Variants in THSD7B observed in about 807,000 individuals in gnomAD.
The protein encoded by THSD7B is thrombospondin type-1 domain-containing protein 7B.
Under a neutral mutation model 213.6 loss-of-function variants are expected in THSD7B, and 138 were observed. That is an observed-to-expected ratio of 0.65 (90% CI 0.56 to 0.74). The LOEUF (loss-of-function observed/expected upper bound fraction) is 0.74, where lower values mean the gene tolerates loss of function less well. Ranked by LOEUF, THSD7B falls within the 30% of genes least tolerant of loss-of-function variation. The probability of loss-of-function intolerance (pLI) is 0.00; values close to 1 mark genes in which losing one functional copy is unlikely to be tolerated. For missense variants in THSD7B, 1,931 were observed against 1,991.5 expected, an observed-to-expected ratio of 0.97 and a Z score of 0.58; for synonymous variants, 742 against 687.0, an observed-to-expected ratio of 1.08 and a Z score of -1.25.
intron 15 of THSD7B, among the ~76,000 whole-genome samples, chr2:137,478,239 C>G (rs1688231653): frequency 6.6e-6 from 1 of 151,992 alleles, no homozygotes; most frequent in Admixed American, 6.6e-5. Context: ...CTGTGGTGTC[C>G]CATATATCAT....
chr2:137,075,609 C>T (rs976222423), intron 3 of THSD7B, among the ~76,000 whole-genome samples: 33 of 152,190 alleles, frequency 2.2e-4, no homozygotes, highest in Non-Finnish European at 7.3e-5. Context: ...CTCCGTCCAG[C>T]TTTGTTCTGT....
intron 17 of THSD7B, among the ~76,000 whole-genome samples, chr2:137,590,314 G>T (rs752261437): frequency 6.6e-6 from 1 of 152,200 alleles, no homozygotes; most frequent in African/African-American, 2.4e-5. Context: ...CTGATTGATG[G>T]TCATTTTATG....
At chr2:136,859,710 G>C (rs16837155) in intron 1 of THSD7B, among the ~76,000 whole-genome samples, 1 of 152,128 alleles carries the variant, frequency 6.6e-6, no homozygotes, top group South Asian at 2.1e-4. Flanking sequence ...GCCACAGTGC[G>C]TTTTTATGTT....
intron 15 of THSD7B, among the ~76,000 whole-genome samples, chr2:137,506,563 A>G (rs1679839004): frequency 6.6e-6 from 1 of 152,268 alleles, no homozygotes; most frequent in African/African-American, 2.4e-5. Context: ...TGGAAAGCAC[A>G]GGGAGATGTG....
At chr2:137,573,024 G>C (rs1681388214) in intron 17 of THSD7B, among the ~76,000 whole-genome samples, 1 of 150,142 alleles carries the variant, frequency 6.7e-6, no homozygotes, top group African/African-American at 2.5e-5. Flanking sequence ...GCATTCTTTT[G>C]CCATGTTTCT....
intron 1 of THSD7B, among the ~76,000 whole-genome samples, chr2:136,780,770 G>A (rs1243027948): frequency 6.6e-6 from 1 of 152,164 alleles, no homozygotes; most frequent in African/African-American, 2.4e-5. Flanking sequence ...GATCTCTTTA[G>A]ATGTGCATTT....
chr2:136,771,477 C>T (rs1316218998), intron 1 of THSD7B, among the ~76,000 whole-genome samples: 2 of 152,112 alleles, frequency 1.3e-5, no homozygotes, highest in African/African-American at 4.8e-5. Flanking sequence ...TTCCTATTAT[C>T]CACTTTCTTC....
At chr2:137,403,416 A>G (rs892097277) in intron 12 of THSD7B, among the ~76,000 whole-genome samples, 1 of 152,240 alleles carries the variant, frequency 6.6e-6, no homozygotes, top group Non-Finnish European at 1.5e-5. Flanking sequence ...CTTACCCTAC[A>G]TAAGAGAATT....
intron 5 of THSD7B, among the ~76,000 whole-genome samples, chr2:137,145,925 A>G (rs1679692586): frequency 6.6e-6 from 1 of 152,046 alleles, no homozygotes; most frequent in Admixed American, 6.6e-5. Flanking sequence ...TTCTCATTAT[A>G]TTTGGTGCTT....
At chr2:136,884,439 A>G (rs1284599942) in intron 2 of THSD7B, among the ~76,000 whole-genome samples, 1 of 152,122 alleles carries the variant, frequency 6.6e-6, no homozygotes, top group Non-Finnish European at 1.5e-5. Flanking sequence ...GGCCAGGGGA[A>G]TGAAGGGCTC....
At chr2:137,448,174 T>A (rs1373841506) in intron 14 of THSD7B, among the ~76,000 whole-genome samples, 3 of 152,180 alleles carry the variant, frequency 2.0e-5, no homozygotes, top group Non-Finnish European at 4.4e-5. Flanking sequence ...TATTAAAGTG[T>A]CTCCAGTGTG....
chr2:137,084,103 A>AG (rs1004796486), intron 3 of THSD7B, among the ~76,000 whole-genome samples: 1 of 108 alleles, frequency 9.3e-3, no homozygotes, highest in Admixed American at 0.062. Flanking sequence ...TATTCAGGGT[A>AG]GATTAGCTCT....
intron 1 of THSD7B, among the ~76,000 whole-genome samples, chr2:136,780,045 G>T (rs1197060845): frequency 1.3e-5 from 2 of 151,870 alleles, no homozygotes; most frequent in South Asian, 2.1e-4. Context: ...TTTTGAGGGG[G>T]GTGTGTGTGT....
At chr2:136,867,827 G>C (rs1683368357) in intron 1 of THSD7B, among the ~76,000 whole-genome samples, 1 of 152,118 alleles carries the variant, frequency 6.6e-6, no homozygotes, top group Admixed American at 6.6e-5. Flanking sequence ...ATTGCTCCTT[G>C]AAATTTTTGA....
At chr2:137,331,859 C>T (rs1166171894) in intron 12 of THSD7B, among the ~76,000 whole-genome samples, 1 of 152,158 alleles carries the variant, frequency 6.6e-6, no homozygotes, top group Non-Finnish European at 1.5e-5. Context: ...GGGTGCTAAG[C>T]CCCTCATTGC....
At chr2:136,902,266 T>A (rs1684076059) in intron 2 of THSD7B, among the ~76,000 whole-genome samples, 1 of 152,228 alleles carries the variant, frequency 6.6e-6, no homozygotes, top group Non-Finnish European at 1.5e-5. Flanking sequence ...AAATTAGCAG[T>A]CTGAACTTTG....
chr2:137,278,314 C>G (rs948310198), intron 12 of THSD7B, among the ~76,000 whole-genome samples: 6 of 152,096 alleles, frequency 3.9e-5, no homozygotes, highest in Non-Finnish European at 8.8e-5. Context: ...ACCATGATCT[C>G]TCACCCAGAG....
intron 12 of THSD7B, among the ~76,000 whole-genome samples, chr2:137,344,607 G>A (rs1684834884): frequency 6.6e-6 from 1 of 151,634 alleles, no homozygotes; most frequent in Non-Finnish European, 1.5e-5. Flanking sequence ...CACAAACCGG[G>A]AGTGTTAGAG....
At position 137,191,133 on chromosome 2, in the gene THSD7B, C is replaced by A. The variant is rs180829621; in HGVS notation, c.1723+20195C>A. 2.0e-3 allele frequency among the ~76,000 whole-genome samples: 308 copies of A among 152,292 alleles called. 1 individual carries two copies. Among genetic ancestry groups the A allele is most frequent in the Non-Finnish European group, 3.0e-3 (203 of 68,016 alleles). On this transcript the variant is annotated intron_variant, in intron 7 of 27. Coordinates refer to ENST00000409968, the MANE Select transcript of THSD7B (RefSeq NM_001316349.2). ...CTGTCTGCAGAGGTGCTGATGATAA[C>A]CCCTGCAGGTGACACCACTCTTCCT... is the stretch of plus-strand genomic sequence containing the variant.
Sources: allele counts gnomAD v4.1 joint callset (sites outside exome capture counted in the v4.1 genomes callset), GRCh38; gene constraint gnomAD v4.1.1; transcripts MANE v1.5; gene names NCBI Gene and HGNC (gene_info 2026-07-23, HGNC 2026-07-21).